The following DNER variants were observed in gnomAD, a reference collection of about 807,000 sequenced individuals.
The protein encoded by DNER is delta/notch like EGF repeat containing.
DNER carries 33 observed loss-of-function variants against 78.2 expected under a neutral mutation model. That is an observed-to-expected ratio of 0.42 (90% CI 0.32 to 0.56). DNER has a LOEUF of 0.56. DNER is among the 20% of genes least tolerant of loss of function. DNER has a pLI of 0.11. For synonymous variants in DNER, 417 were observed against 384.8 expected, an observed-to-expected ratio of 1.08 and a Z score of -0.98; for missense variants, 918 against 975.3, an observed-to-expected ratio of 0.94 and a Z score of 0.78.
intron 8 of DNER, among the ~76,000 whole-genome samples, chr2:229,433,442 C>A (rs1289471943): frequency 6.6e-6 from 1 of 152,046 alleles, no homozygotes; most frequent in Non-Finnish European, 1.5e-5. Context: ...AAAAGTAACA[C>A]AAAGGAATCC....
chr2:229,389,009 G>C (rs185681807), intron 10 of DNER, among the ~76,000 whole-genome samples: 31 of 152,092 alleles, frequency 2.0e-4, no homozygotes, highest in Middle Eastern at 3.4e-3. Context: ...ATCCCTGGAT[G>C]TGATTCTGCT....
intron 4 of DNER, among the ~76,000 whole-genome samples, chr2:229,566,874 G>A (rs1435894433): frequency 6.6e-6 from 1 of 152,050 alleles, no homozygotes; most frequent in African/African-American, 2.4e-5. Context: ...ATTTTCACTG[G>A]GATCCTACAC....
At chr2:229,571,680 C>A (rs1272958505) in intron 4 of DNER, among the ~76,000 whole-genome samples, 1 of 152,126 alleles carries the variant, frequency 6.6e-6, no homozygotes, top group Non-Finnish European at 1.5e-5. Flanking sequence ...TGCAGCAGTT[C>A]TTTTCAGAAA....
intron 8 of DNER, among the ~76,000 whole-genome samples, chr2:229,444,439 C>G (rs779286320): frequency 6.6e-6 from 1 of 152,160 alleles, no homozygotes; most frequent in Non-Finnish European, 1.5e-5. Context: ...CTACCACTCT[C>G]GGCTGCCTCT....
At chr2:229,424,550 G>T (rs867094960) in intron 8 of DNER, among the ~76,000 whole-genome samples, 1 of 152,100 alleles carries the variant, frequency 6.6e-6, no homozygotes, top group Admixed American at 6.5e-5. Flanking sequence ...TCTCCCCTTG[G>T]CTTGCAGACG....
chr2:229,504,840 C>A (rs1695701807), intron 6 of DNER, among the ~76,000 whole-genome samples: 1 of 152,230 alleles, frequency 6.6e-6, no homozygotes, highest in African/African-American at 2.4e-5. Context: ...TTGCACCTGG[C>A]ATGGCATGGA....
chr2:229,472,625 G>A (rs190737743), intron 7 of DNER, among the ~76,000 whole-genome samples: 1 of 152,226 alleles, frequency 6.6e-6, no homozygotes, highest in African/African-American at 2.4e-5. Context: ...AATGCATTTA[G>A]TTTAAAACTT....
At chr2:229,502,972 A>G (rs1269212496) in intron 6 of DNER, among the ~76,000 whole-genome samples, 1 of 152,190 alleles carries the variant, frequency 6.6e-6, no homozygotes, top group East Asian at 1.9e-4. Context: ...AATTCTTGCC[A>G]AGGTAGAGAG....
intron 8 of DNER, among the ~76,000 whole-genome samples, chr2:229,445,464 C>A (rs894676700): frequency 6.6e-6 from 1 of 152,184 alleles, no homozygotes; most frequent in Non-Finnish European, 1.5e-5. Context: ...CTTGGCTAGG[C>A]CATGGTTCTT....
chr2:229,422,689 C>T (rs569902937), intron 8 of DNER, among the ~76,000 whole-genome samples: 40 of 151,844 alleles, frequency 2.6e-4, no homozygotes, highest in Middle Eastern at 3.4e-3. Context: ...TGGAAGTATG[C>T]GTGTAAATGG....
chr2:229,667,274 T>C (rs1392221294), intron 1 of DNER, among the ~76,000 whole-genome samples: 2 of 152,102 alleles, frequency 1.3e-5, no homozygotes, highest in Non-Finnish European at 2.9e-5. Flanking sequence ...GGGTAACTAA[T>C]GGGTTGAAAG....
intron 7 of DNER, among the ~76,000 whole-genome samples, chr2:229,463,355 G>T (rs1438207091): frequency 6.6e-6 from 1 of 152,042 alleles, no homozygotes; most frequent in Non-Finnish European, 1.5e-5. Flanking sequence ...TACAATGAGG[G>T]AATATGAAAG....
chr2:229,492,464 A>G (rs1181822325), intron 6 of DNER, among the ~76,000 whole-genome samples: 1 of 152,178 alleles, frequency 6.6e-6, no homozygotes, highest in East Asian at 1.9e-4. Flanking sequence ...CAGAAAATTC[A>G]CAGACCATTA....
intron 4 of DNER, among the ~76,000 whole-genome samples, chr2:229,565,757 A>G (rs1391634965): frequency 6.6e-6 from 1 of 152,216 alleles, no homozygotes; most frequent in Non-Finnish European, 1.5e-5. Flanking sequence ...CAGTTTCTGA[A>G]TACCCATTGG....
At chr2:229,637,790 A>G (rs1311734676) in intron 1 of DNER, among the ~76,000 whole-genome samples, 1 of 152,226 alleles carries the variant, frequency 6.6e-6, no homozygotes, top group African/African-American at 2.4e-5. Context: ...AGGAAAAAGC[A>G]GCCTTGAACA....
At chr2:229,465,113 A>T (rs1222324295) in intron 7 of DNER, among the ~76,000 whole-genome samples, 1 of 152,240 alleles carries the variant, frequency 6.6e-6, no homozygotes, top group Non-Finnish European at 1.5e-5. Flanking sequence ...TCATTCTATT[A>T]TAAAGATGCA....
chr2:229,493,459 A>T (rs1053009072), intron 6 of DNER, among the ~76,000 whole-genome samples: 2 of 152,318 alleles, frequency 1.3e-5, no homozygotes, highest in Non-Finnish European at 2.9e-5. Flanking sequence ...TGTGTTTACT[A>T]TGTACAAGGC....
intron 4 of DNER, among the ~76,000 whole-genome samples, chr2:229,557,667 G>A (rs771965678): frequency 1.5e-4 from 22 of 150,784 alleles, no homozygotes; most frequent in Non-Finnish European, 2.5e-4. Context: ...AGTAAAAGAG[G>A]AAGAAAGACT....
intron 9 of DNER, among the ~76,000 whole-genome samples, chr2:229,411,725 T>A (rs1693525402): frequency 6.6e-6 from 1 of 152,134 alleles, no homozygotes. Flanking sequence ...AACAAAGCAA[T>A]GGATAAGTAT....
Sources: gnomAD v4.1 joint callset for allele counts (sites outside exome capture counted in the v4.1 genomes callset) on GRCh38, gnomAD v4.1.1 for gene constraint, MANE v1.5 for transcripts, NCBI Gene and HGNC (gene_info 2026-07-23, HGNC 2026-07-21) for gene names.